C10orf90: variants seen among roughly 807,000 people sequenced by gnomAD.
The protein encoded by C10orf90 is chromosome 10 open reading frame 90.
Under a neutral mutation model 62.5 loss-of-function variants are expected in C10orf90, and 56 were observed. That is an observed-to-expected ratio of 0.90 (90% CI 0.72 to 1.12). The LOEUF is 1.12. Ranked by LOEUF, C10orf90 falls within the 50% of genes most tolerant of loss-of-function variation. The probability of loss-of-function intolerance (pLI) is 0.00; values close to 1 mark genes in which losing one functional copy is unlikely to be tolerated. For synonymous variants in C10orf90, 386 were observed against 340.4 expected (o/e 1.13, Z -1.47); for missense variants, 970 against 880.4 (o/e 1.10, Z -1.29).
At chr10:126,457,295 T>C (rs1564805498) in intron 7 of C10orf90, among the ~76,000 whole-genome samples, 1 of 152,232 alleles carries the variant, frequency 6.6e-6, no homozygotes, top group Non-Finnish European at 1.5e-5. Flanking sequence ...TGCCAGTTCC[T>C]GTTCTTTTAA....
chr10:126,442,478 C>CCTATATATATATATATATAT (rs1554886149), intron 7 of C10orf90, among the ~76,000 whole-genome samples: 1 of 33,810 alleles, frequency 3.0e-5, no homozygotes, highest in Admixed American at 3.8e-4. Flanking sequence ...TTCAATATTT[C>CCTATATATATATATATATAT]ATATATATAT....
intron 2 of C10orf90, among the ~76,000 whole-genome samples, chr10:126,584,867 G>T (rs1844828310): frequency 6.6e-6 from 1 of 152,006 alleles, no homozygotes; most frequent in South Asian, 2.1e-4. Flanking sequence ...TGTTGGTAGA[G>T]CTCCCTGGAT....
At chr10:126,506,784 C>A (rs1259137944) in intron 3 of C10orf90, among the ~76,000 whole-genome samples, 2 of 152,118 alleles carry the variant, frequency 1.3e-5, no homozygotes, top group African/African-American at 4.8e-5. Flanking sequence ...TTTGCTCATT[C>A]CAAGATGTGA....
In C10orf90 at chr10:126,565,336, A is replaced by ATATAT. The variant is rs1564874388; in HGVS notation, c.314-51402_314-51398dup. On this transcript the variant is annotated intron_variant, in intron 2 of 9. Coordinates refer to ENST00000488181, the MANE Select transcript of C10orf90 (RefSeq NM_001350921.2). ...ATTATATATATTATATATTTATATT[A>ATATAT]TATATAATATATAATATATAATATA... Among the ~76,000 whole-genome samples the ATATAT allele has an allele frequency of 5.9e-4, 23 of 38,718 alleles. 1 individual carries two copies. In the East Asian group the frequency reaches 8.1e-3, roughly 14 times the overall value. The allele number at this position is 38,718 out of a possible 152,430, so 25.4% of individuals were successfully genotyped here. A position where few individuals can be genotyped will look rare whatever the true frequency, so the allele number is the denominator to read the frequency against.
At chr10:126,558,452 C>T (rs1864826279) in intron 2 of C10orf90, among the ~76,000 whole-genome samples, 1 of 152,220 alleles carries the variant, frequency 6.6e-6, no homozygotes, top group Admixed American at 6.5e-5. Context: ...CCTAAGACCG[C>T]AGCACTAACG....
chr10:126,585,370 GGAAGGAAGAAAAGAAAGGAAA>G (rs1035255771), intron 2 of C10orf90, among the ~76,000 whole-genome samples: 1 of 57,544 alleles, frequency 1.7e-5, no homozygotes, highest in African/African-American at 8.2e-5. Flanking sequence ...GGGGAAGAAA[GGAAGGAAGAAAAGAAAGGAAA>G]GAAGGAAGAA....
chr10:126,603,637 AAAGGGCCCT>A (rs1052393278), intron 2 of C10orf90, among the ~76,000 whole-genome samples: 5 of 152,120 alleles, frequency 3.3e-5, no homozygotes, highest in Admixed American at 6.5e-5. Flanking sequence ...CTTAACTGTA[AAAGGGCCCT>A]AAGAGTTGTG....
chr10:126,585,603 T>C (rs929056539), intron 2 of C10orf90, among the ~76,000 whole-genome samples: 4 of 150,690 alleles, frequency 2.7e-5, no homozygotes, highest in South Asian at 2.1e-4. Flanking sequence ...GAAAGAAGGA[T>C]GGATGGAAGA....
Position 126,669,703 on chromosome 10 carries a change from CTTTT to C in C10orf90, c.240+534_240+537del, listed in dbSNP as rs67897578. ...TCTCCAAAGTTCTCTCACTCTCTGTCTTTTTTTTTTTTTTTACAAAGTTGTCTCT... is the reference window on the plus strand; with the variant it reads ...TCTCCAAAGTTCTCTCACTCTCTGTCTTTTTTTTTTTACAAAGTTGTCTCT... On this transcript the variant is annotated intron_variant, in intron 1 of 9. Transcript: ENST00000488181. Among the ~76,000 whole-genome samples the C allele has an allele frequency of 2.7e-5, 4 of 145,524 alleles. No individual in the cohort carries two copies. In the East Asian group the frequency reaches 8.0e-4, roughly 29 times the overall value.
At chr10:126,622,253 T>A (rs918781205) in intron 2 of C10orf90, among the ~76,000 whole-genome samples, 4 of 152,098 alleles carry the variant, frequency 2.6e-5, no homozygotes, top group Non-Finnish European at 1.5e-5. Context: ...AAACTCCACA[T>A]CCACCAACCT....
intron 2 of C10orf90, among the ~76,000 whole-genome samples, chr10:126,546,255 G>A (rs1037796097): frequency 1.3e-5 from 2 of 152,196 alleles, no homozygotes; most frequent in African/African-American, 2.4e-5. Context: ...TGCCAGCAAA[G>A]GCCAGCATGC....
chr10:126,552,267 C>T (rs1352850154), intron 2 of C10orf90, among the ~76,000 whole-genome samples: 1 of 152,170 alleles, frequency 6.6e-6, no homozygotes, highest in Non-Finnish European at 1.5e-5. Flanking sequence ...CAATAAATAT[C>T]TGTTGAAGGA....
rs193022744 is a variant in C10orf90 at position 126,528,057 on chromosome 10, C to T, written c.314-14118G>A. On this transcript the variant is annotated intron_variant, in intron 2 of 9. Transcript: ENST00000488181. ...GGAAGACAAGATAAAGGAAGTTTCACTAATGAACTTGAACTTTAGAGTGAG... is the reference window on the plus strand; with the variant it reads ...GGAAGACAAGATAAAGGAAGTTTCATTAATGAACTTGAACTTTAGAGTGAG... Among the ~76,000 whole-genome samples the T allele has an allele frequency of 2.6e-5, 4 of 152,306 alleles. No homozygotes were observed. The East Asian group carries it at 7.7e-4, about 29-fold the overall frequency.
chr10:126,645,149 A>G (rs931781239), intron 2 of C10orf90, among the ~76,000 whole-genome samples: 1 of 151,586 alleles, frequency 6.6e-6, no homozygotes, highest in Non-Finnish European at 1.5e-5. Context: ...ATTGGGAGGT[A>G]TACCTAATGC....
intron 1 of C10orf90, among the ~76,000 whole-genome samples, chr10:126,665,349 G>A (rs185256616): frequency 1.3e-5 from 2 of 152,286 alleles, no homozygotes; most frequent in Non-Finnish European, 2.9e-5. Flanking sequence ...TTTGATAACT[G>A]TGAGAAGAAA....
chr10:126,523,467 G>A (rs1863834473), intron 2 of C10orf90: 1 of 94,596 alleles, frequency 1.1e-5, no homozygotes, highest in Admixed American at 1.2e-4. Context: ...CCCTGTCTTG[G>A]AAGAACTCAC....
chr10:126,529,665 T>C (rs1014483332), intron 2 of C10orf90, among the ~76,000 whole-genome samples: 3 of 152,052 alleles, frequency 2.0e-5, no homozygotes, highest in Admixed American at 6.6e-5. Flanking sequence ...AAAATGACAA[T>C]AAGAGACCAT....
chr10:126,471,250 C>A (rs1395599071), intron 4 of C10orf90, among the ~76,000 whole-genome samples: 1 of 152,188 alleles, frequency 6.6e-6, no homozygotes, highest in Non-Finnish European at 1.5e-5. Context: ...GAAAATCAAC[C>A]CGCAGGGATG....
intron 7 of C10orf90, among the ~76,000 whole-genome samples, chr10:126,430,519 G>C (rs1857509236): frequency 6.6e-6 from 1 of 152,192 alleles, no homozygotes; most frequent in African/African-American, 2.4e-5. Context: ...AAAAAAAACA[G>C]TGTATATCCT....
Sources: gnomAD v4.1 joint callset for allele counts (sites outside exome capture counted in the v4.1 genomes callset) on GRCh38, gnomAD v4.1.1 for gene constraint, MANE v1.5 for transcripts, NCBI Gene and HGNC (gene_info 2026-07-23, HGNC 2026-07-21) for gene names.